RGS17: variants seen among roughly 807,000 people sequenced by gnomAD.
RGS17 encodes the protein regulator of G-protein signaling 17.
A neutral mutation model predicts 25.5 loss-of-function variants in RGS17; 12 were observed. That is an observed-to-expected ratio of 0.47 (90% CI 0.30 to 0.76). The LOEUF is 0.76. Ranked by LOEUF, RGS17 falls within the 30% of genes least tolerant of loss-of-function variation. The pLI, the probability that RGS17 is intolerant of heterozygous loss-of-function variation, is 0.07. For synonymous variants in RGS17, 71 were observed against 76.9 expected (o/e 0.92, Z 0.40); for missense variants, 196 against 242.2 (o/e 0.81, Z 1.27).
chr6:153,124,169 A>G (rs930223625), intron 1 of RGS17, among the ~76,000 whole-genome samples: 2 of 152,224 alleles, frequency 1.3e-5, no homozygotes, highest in African/African-American at 4.8e-5. Context: ...GTATTTAGCT[A>G]TGACTTCAAA....
At position 153,070,701 on chromosome 6, in the gene RGS17, G is replaced by A. The variant is rs55645623; in HGVS notation, c.-25-26658C>T. 7.1e-3 allele frequency among the ~76,000 whole-genome samples: 740 copies of A among 104,714 alleles called. 5 individuals are homozygous for A. The highest frequency in any genetic ancestry group is 0.024 in the African/African-American group (697 of 29,456). The allele number at this position is 104,714 out of a possible 152,430, so 68.7% of individuals were successfully genotyped here. A position where few individuals can be genotyped will look rare whatever the true frequency, so the allele number is the denominator to read the frequency against. On this transcript the variant is annotated intron_variant, in intron 1 of 4. Transcript: ENST00000206262. ...TGTGTGTGTGTGTGTGTGTGTGTGT[G>A]TATATACATATATATATACACATAT...
intron 1 of RGS17, among the ~76,000 whole-genome samples, chr6:153,086,902 T>C (rs1355215378): frequency 6.6e-6 from 1 of 152,198 alleles, no homozygotes. Flanking sequence ...TTTACACTTT[T>C]TTTGGTCTTG....
At chr6:153,027,173 G>A (rs114019693) in intron 2 of RGS17, among the ~76,000 whole-genome samples, 1,597 of 152,264 alleles carry the variant, frequency 0.01, 41 homozygotes, top group African/African-American at 0.036. Flanking sequence ...TGGAACAGGT[G>A]AGCATTGGGT....
chr6:153,013,040 A>T (rs1779149812), intron 4 of RGS17, among the ~76,000 whole-genome samples: 1 of 151,982 alleles, frequency 6.6e-6, no homozygotes, highest in Admixed American at 6.6e-5. Flanking sequence ...TCATACAGGG[A>T]CACCTCATTT....
intron 4 of RGS17, among the ~76,000 whole-genome samples, chr6:153,023,868 C>G (rs1421157683): frequency 6.6e-6 from 1 of 152,142 alleles, no homozygotes; most frequent in East Asian, 1.9e-4. Flanking sequence ...CCTGGTTAGG[C>G]CTTAAGAATT....
chr6:153,070,820 T>C (rs1776784913), intron 1 of RGS17, among the ~76,000 whole-genome samples: 1 of 150,948 alleles, frequency 6.6e-6, no homozygotes, highest in African/African-American at 2.4e-5. Context: ...CATATACATA[T>C]ACATATATAC....
chr6:153,026,414 T>C (rs1343264709), intron 3 of RGS17, 40 bp downstream of exon 3: 1 of 1,461,686 alleles, frequency 6.8e-7, no homozygotes, highest in South Asian at 1.2e-5. Context: ...AAATGGCATA[T>C]AAATGCAAGA....
intron 1 of RGS17, among the ~76,000 whole-genome samples, chr6:153,067,562 A>G (rs1776728802): frequency 6.6e-6 from 1 of 152,204 alleles, no homozygotes; most frequent in Non-Finnish European, 1.5e-5. Context: ...CATTACAACA[A>G]CCACAAATAA....
At chr6:153,035,851 G>A (rs74338983) in intron 2 of RGS17, among the ~76,000 whole-genome samples, 345 of 152,316 alleles carry the variant, frequency 2.3e-3, no homozygotes, top group African/African-American at 8.1e-3. Flanking sequence ...TTCTCTGTCA[G>A]TAGCTTTTCT....
At chr6:153,104,256 T>C (rs1181754568) in intron 1 of RGS17, among the ~76,000 whole-genome samples, 1 of 152,252 alleles carries the variant, frequency 6.6e-6, no homozygotes, top group African/African-American at 2.4e-5. Flanking sequence ...TTGAATAACA[T>C]GCTTATAGAA....
chr6:153,074,879 T>C (rs1776855330), intron 1 of RGS17, among the ~76,000 whole-genome samples: 1 of 152,166 alleles, frequency 6.6e-6, no homozygotes, highest in East Asian at 1.9e-4. Flanking sequence ...TAAAATCCAC[T>C]CTTTAAGCTC....
chr6:153,116,752 G>T (rs1166167742), intron 1 of RGS17, among the ~76,000 whole-genome samples: 2 of 152,124 alleles, frequency 1.3e-5, no homozygotes, highest in Non-Finnish European at 2.9e-5. Flanking sequence ...CCATAAAAAA[G>T]GATGAGTTCA....
chr6:153,123,070 T>C (rs1777660092), intron 1 of RGS17, among the ~76,000 whole-genome samples: 1 of 151,894 alleles, frequency 6.6e-6, no homozygotes. Context: ...AATACTCCAA[T>C]TCACAACACG....
At chr6:153,126,029 G>A (rs923832101) in intron 1 of RGS17, among the ~76,000 whole-genome samples, 2 of 152,152 alleles carry the variant, frequency 1.3e-5, no homozygotes, top group African/African-American at 2.4e-5. Context: ...TACAGAGCTC[G>A]TTAAGGTAAC....
At chr6:153,090,246 G>A (rs895404266) in intron 1 of RGS17, among the ~76,000 whole-genome samples, 3 of 151,984 alleles carry the variant, frequency 2.0e-5, no homozygotes, top group South Asian at 2.1e-4. Flanking sequence ...TATAATACCC[G>A]ACTCTCTTAA....
chr6:153,013,084 T>C (rs940087975), intron 4 of RGS17, among the ~76,000 whole-genome samples: 15 of 152,232 alleles, frequency 9.9e-5, no homozygotes, highest in African/African-American at 3.6e-4. Flanking sequence ...TTTTCGCAGA[T>C]ACTGCGTTTG....
intron 1 of RGS17, among the ~76,000 whole-genome samples, chr6:153,116,722 C>T (rs998221734): frequency 8.5e-5 from 13 of 152,194 alleles, no homozygotes; most frequent in Non-Finnish European, 1.8e-4. Context: ...GGCATATATA[C>T]ACCATGGAAT....
At chr6:153,024,655 T>G (rs1292799100) in intron 3 of RGS17, among the ~76,000 whole-genome samples, 159 bp from the exon 4 acceptor site, 1 of 152,220 alleles carries the variant, frequency 6.6e-6, no homozygotes, top group Non-Finnish European at 1.5e-5. Context: ...AATAAGTATC[T>G]GTCAGGACTA....
At chr6:153,019,277 C>G (rs637384) in intron 4 of RGS17, among the ~76,000 whole-genome samples, 1 of 152,044 alleles carries the variant, frequency 6.6e-6, no homozygotes, top group East Asian at 1.9e-4. Flanking sequence ...AGATTTCTAC[C>G]TAACTGGACC....
Sources: gnomAD v4.1 joint callset for allele counts (sites outside exome capture counted in the v4.1 genomes callset) on GRCh38, gnomAD v4.1.1 for gene constraint, MANE v1.5 for transcripts, NCBI Gene and HGNC (gene_info 2026-07-23, HGNC 2026-07-21) for gene names.